The following ARHGEF10L variants were observed in gnomAD, a reference collection of about 807,000 sequenced individuals.
The protein encoded by ARHGEF10L is Rho guanine nucleotide exchange factor 10 like.
Under a neutral mutation model 141.2 loss-of-function variants are expected in ARHGEF10L, and 69 were observed. The ratio of observed to expected loss-of-function variants is 0.49; its 90% CI spans 0.40 to 0.60. The LOEUF (loss-of-function observed/expected upper bound fraction) is 0.60, where lower values mean the gene tolerates loss of function less well. Ranked by LOEUF, ARHGEF10L falls within the 20% of genes least tolerant of loss-of-function variation. The pLI, the probability that ARHGEF10L is intolerant of heterozygous loss-of-function variation, is 0.00. For synonymous variants in ARHGEF10L, 711 were observed against 718.5 expected (o/e 0.99, Z 0.17); for missense variants, 1,482 against 1,734.3 (o/e 0.85, Z 2.58).
intron 26 of ARHGEF10L, 77 bp from the exon 27 acceptor site, chr1:17,687,496 G>A (rs779944912): frequency 1.1e-5 from 16 of 1,521,022 alleles, no homozygotes; most frequent in Non-Finnish European, 1.4e-5. Context: ...AGAATGGCTG[G>A]CCCAGGGGTG....
intron 15 of ARHGEF10L, among the ~76,000 whole-genome samples, chr1:17,631,129 A>G (rs2060662617): frequency 6.9e-6 from 1 of 145,256 alleles, no homozygotes; most frequent in Non-Finnish European, 1.5e-5. Context: ...GCTCAGGGTG[A>G]TCTGTCCTTT....
chr1:17,660,288 G>A (rs2062537478), intron 25 of ARHGEF10L, among the ~76,000 whole-genome samples: 1 of 152,204 alleles, frequency 6.6e-6, no homozygotes, highest in Non-Finnish European at 1.5e-5. Context: ...ATGGCATAAT[G>A]GGTAAGGGAT....
the ARHGEF10L span, among the ~76,000 whole-genome samples, chr1:17,525,409 G>A: frequency 2.6e-5 from 4 of 152,214 alleles, no homozygotes; most frequent in South Asian, 2.1e-4. Context: ...TGCTCCCCAC[G>A]CCATTCTTCA....
chr1:17,580,771 G>T lies in ARHGEF10L; in HGVS notation c.37+139G>T. On this transcript the variant is annotated intron_variant, in intron 2 of 28. Transcript: ENST00000361221. Reference sequence around the variant, plus strand: ...GCTGGCTGCTGGCCCTGCCTGGGCCGCATCCTCTATCTCACGTTCCTTGTC... The same window carrying T: ...GCTGGCTGCTGGCCCTGCCTGGGCCTCATCCTCTATCTCACGTTCCTTGTC... The T allele has an allele frequency of 5.2e-6, 5 of 970,686 alleles. No homozygotes were observed. In the Admixed American group the frequency reaches 6.1e-5, roughly 12 times the overall value. 60.1% of individuals were successfully genotyped at this position (970,686 alleles called of 1,614,324 possible).
At position 17,558,481 on chromosome 1, in the gene ARHGEF10L, G is replaced by T. The variant is rs1025728673; in HGVS notation, c.-44+18531G>T. Among the ~76,000 whole-genome samples the T allele has an allele frequency of 6.6e-6, 1 of 152,222 alleles. No homozygotes were observed. The highest frequency in any genetic ancestry group is 1.5e-5 in the Non-Finnish European group (1 of 68,050). On this transcript the variant is annotated intron_variant, in intron 1 of 28. Coordinates refer to ENST00000361221, the MANE Select transcript of ARHGEF10L (RefSeq NM_018125.4). The surrounding 1 kb of genome is among the most constrained non-coding windows in gnomAD (Gnocchi z 4.2). Reference sequence around the variant, plus strand: ...TGTTAGGTGCCCAGAGGGACAAGTGGCCAGCTGTCTGTCCCAGTGGTCATC... The same window carrying T: ...TGTTAGGTGCCCAGAGGGACAAGTGTCCAGCTGTCTGTCCCAGTGGTCATC...
intron 26 of ARHGEF10L, among the ~76,000 whole-genome samples, chr1:17,668,172 TA>T (rs1332326300): frequency 6.6e-6 from 1 of 152,242 alleles, no homozygotes; most frequent in Non-Finnish European, 1.5e-5. Flanking sequence ...GCTGTCATTG[TA>T]ATAATTTACC....
At chr1:17,638,097 G>C (rs2061117727) in intron 19 of ARHGEF10L, 94 bp downstream of exon 19, 1 of 1,137,046 alleles carries the variant, frequency 8.8e-7, no homozygotes, top group East Asian at 2.6e-5. Flanking sequence ...TCCTCTCCTG[G>C]CCCATGTCCC....
At chr1:17,520,339 C>T in the ARHGEF10L span, among the ~76,000 whole-genome samples, 7 of 152,332 alleles carry the variant, frequency 4.6e-5, no homozygotes, top group South Asian at 2.1e-4. Flanking sequence ...GCGTACTCAC[C>T]CTCTGGGCTC....
chr1:17,557,352 A>C (rs10047216), intron 1 of ARHGEF10L, among the ~76,000 whole-genome samples: 2,649 of 150,692 alleles, frequency 0.018, 76 homozygotes, highest in African/African-American at 0.06. Flanking sequence ...CAAAAAAAAA[A>C]AAACAAAAAA....
upstream of ARHGEF10L, among the ~76,000 whole-genome samples, chr1:17,534,831 C>T (rs747558688): frequency 2.0e-4 from 30 of 152,018 alleles, no homozygotes; most frequent in Non-Finnish European, 4.4e-5. Context: ...TCAGATGATC[C>T]ATCTGCCTTG....
At position 17,644,414 on chromosome 1, in the gene ARHGEF10L, G is replaced by T. The variant is rs1382277651; in HGVS notation, c.2272+4112G>T. 6.6e-6 allele frequency among the ~76,000 whole-genome samples: 1 copy of T among 152,190 alleles called. No individual in the cohort carries two copies. The highest frequency in any genetic ancestry group is 1.5e-5 in the Non-Finnish European group (1 of 68,034). On this transcript the variant is annotated intron_variant, in intron 21 of 28. Transcript: ENST00000361221. The surrounding 1 kb of genome is among the most constrained non-coding windows in gnomAD (Gnocchi z 4.5). ...CCACACCCTGCAGCTGGAAGGGATG[G>T]GTCTCCTCTCCAGGAGTAGGGCCGA...
intron 4 of ARHGEF10L, among the ~76,000 whole-genome samples, chr1:17,594,336 A>G (rs1014122189): frequency 9.2e-5 from 14 of 151,832 alleles, no homozygotes; most frequent in African/African-American, 3.4e-4. Flanking sequence ...GCCAGAGTTA[A>G]CCCCAGCTGG....
At chr1:17,695,553 C>G (rs2102614149) in intron 28 of ARHGEF10L, among the ~76,000 whole-genome samples, 2 of 152,356 alleles carry the variant, frequency 1.3e-5, no homozygotes, top group Middle Eastern at 6.8e-3. Flanking sequence ...GGCAGGGGCT[C>G]CACTGGCCCT....
At chr1:17,584,803 G>A (rs974844738) in intron 2 of ARHGEF10L, among the ~76,000 whole-genome samples, 8 of 152,186 alleles carry the variant, frequency 5.3e-5, no homozygotes, top group African/African-American at 1.9e-4. Context: ...TGTGGCTGGA[G>A]TGGAGGGAGC....
intron 21 of ARHGEF10L, among the ~76,000 whole-genome samples, chr1:17,645,324 C>T (rs7339972): frequency 0.011 from 1,667 of 152,134 alleles, 31 homozygotes; most frequent in African/African-American, 0.031. Context: ...TTTCTTGTAA[C>T]GTCCCCAGTC....
At chr1:17,520,887 T>C in the ARHGEF10L span, among the ~76,000 whole-genome samples, 1 of 152,152 alleles carries the variant, frequency 6.6e-6, no homozygotes, top group African/African-American at 2.4e-5. Context: ...CTGAGGTGGA[T>C]TGATGCATTG....
In ARHGEF10L at chr1:17,572,649, A is replaced by G. The variant is rs1006795255; in HGVS notation, c.-43-7904A>G. Among the ~76,000 whole-genome samples the G allele has an allele frequency of 8.5e-5, 13 of 152,234 alleles. No homozygotes were observed. The South Asian group carries it at 2.1e-3, about 24-fold the overall frequency. On this transcript the variant is annotated intron_variant, in intron 1 of 28. Coordinates refer to ENST00000361221, the MANE Select transcript of ARHGEF10L (RefSeq NM_018125.4). ...CACTGTGCCCTCCCCTGCCTTGGGT[A>G]TGTACCCGCTGGCCTCCTGTGGCTG... is the stretch of plus-strand genomic sequence containing the variant.
chr1:17,608,841 G>C (rs1043568139), intron 7 of ARHGEF10L, among the ~76,000 whole-genome samples: 1 of 152,150 alleles, frequency 6.6e-6, no homozygotes, highest in African/African-American at 2.4e-5. Flanking sequence ...CTGGAGTACA[G>C]TGGCCCTATC....
intron 9 of ARHGEF10L, chr1:17,618,301 C>T (rs565301751): frequency 1.4e-4 from 210 of 1,463,706 alleles, no homozygotes; most frequent in Non-Finnish European, 1.8e-4. Context: ...AAGTGACCCT[C>T]CCTGCAGAGG....
Sources: allele counts gnomAD v4.1 joint callset (sites outside exome capture counted in the v4.1 genomes callset), GRCh38; gene constraint gnomAD v4.1.1; non-coding constraint Gnocchi (gnomAD v3.1); transcripts MANE v1.5; gene names NCBI Gene and HGNC (gene_info 2026-07-23, HGNC 2026-07-21).